Variants in FHAD1 observed in about 807,000 individuals in gnomAD.
The protein encoded by FHAD1 is forkhead associated phosphopeptide binding domain 1.
A neutral mutation model predicts 191.3 loss-of-function variants in FHAD1; 146 were observed. That is an observed-to-expected ratio of 0.76 (90% CI 0.67 to 0.88). The LOEUF (loss-of-function observed/expected upper bound fraction) is 0.88, where lower values mean the gene tolerates loss of function less well. Among genes scored for constraint, FHAD1 ranks in the 40% least tolerant of loss-of-function variants. FHAD1 has a pLI of 0.00. For missense variants in FHAD1, 1,635 were observed against 1,785.8 expected (o/e 0.92, Z 1.52); for synonymous variants, 616 against 672.3 (o/e 0.92, Z 1.29).
In FHAD1 at chr1:15,272,502, T is replaced by G. The variant is rs538645934; in HGVS notation, c.273T>G (p.Tyr91Ter). Residue 91 changes from tyrosine (Y) to a stop codon, truncating the protein, a stop_gained, in exon 3 of 34, where the codon TAT becomes TAG. Coordinates refer to ENST00000688493, the MANE Select transcript of FHAD1 (RefSeq NM_001391957.1). LOFTEE classifies it high-confidence loss of function. ...GATTTGGGTCTGCAGGGCTGACCTATGAACTGGTCATTGAAAATCCACCTC... is the reference window on the plus strand; with the variant it reads ...GATTTGGGTCTGCAGGGCTGACCTAGGAACTGGTCATTGAAAATCCACCTC... The part of the protein sequence containing the change: ...ILRFGSAGLT[Y>*]ELVIENPPPV... The G allele has an allele frequency of 6.5e-7, 1 of 1,548,180 alleles. No individual in the cohort carries two copies. The highest frequency in any genetic ancestry group is 1.4e-5 in the African/African-American group (1 of 73,074).
chr1:15,317,827 A>G lies in FHAD1; in HGVS notation c.1264A>G (p.Ile422Val). The G allele has an allele frequency of 6.4e-7, 1 of 1,551,410 alleles. No individual in the cohort carries two copies. Among genetic ancestry groups the G allele is most frequent in the Non-Finnish European group, 8.7e-7 (1 of 1,146,726 alleles). Residue 422 changes from isoleucine (I) to valine (V), a missense_variant, in exon 10 of 34, where the codon ATC (isoleucine) becomes GTC (valine). Transcript: ENST00000688493. ...ACTCTTGTTGAAACTTTTTCAGCAA[A>G]TCCAAGACATGGAGAAAGAAATGAA... ...EKELKLCKTQIQDMEKEMKKL... is the reference protein window; with the variant it reads ...EKELKLCKTQVQDMEKEMKKL...
At chr1:15,300,893 G>C (rs1204747815) in intron 5 of FHAD1, among the ~76,000 whole-genome samples, 2 of 152,106 alleles carry the variant, frequency 1.3e-5, no homozygotes, top group African/African-American at 4.8e-5. Flanking sequence ...GCAATGGCAT[G>C]GTCTGGGCTC....
At chr1:15,315,925 T>C (rs1257073266) in intron 8 of FHAD1, among the ~76,000 whole-genome samples, 1 of 152,196 alleles carries the variant, frequency 6.6e-6, no homozygotes, top group African/African-American at 2.4e-5. Flanking sequence ...GCCCATTATA[T>C]ATGTTCTTAA....
In FHAD1 at chr1:15,327,442, C is replaced by T. The variant is rs147366524; in HGVS notation, c.1557+300C>T. ...TTAGCACTGGGAGAAAGGGAGCCGC[C>T]TCCCCACAGCCAGTGCGTTCTGGCG... On this transcript the variant is annotated intron_variant, in intron 12 of 33. Coordinates refer to ENST00000688493, the MANE Select transcript of FHAD1 (RefSeq NM_001391957.1). This position sits in a 1 kb window ranked among gnomAD's most constrained non-coding sequence, Gnocchi z 5.1. The T allele has an allele frequency of 2.6e-3, 777 of 293,294 alleles. 3 individuals are homozygous for T. The highest frequency in any genetic ancestry group is 3.7e-3 in the Non-Finnish European group (583 of 157,488). The allele number at this position is 293,294 out of a possible 1,614,324, so 18.2% of individuals were successfully genotyped here.
intron 2 of FHAD1, among the ~76,000 whole-genome samples, chr1:15,257,034 G>A (rs1648525040): frequency 6.6e-6 from 1 of 152,232 alleles, no homozygotes; most frequent in Non-Finnish European, 1.5e-5. Context: ...CCCTTTGCCT[G>A]GCACCTGCCA....
intron 28 of FHAD1, among the ~76,000 whole-genome samples, chr1:15,377,991 C>T (rs189473340): frequency 2.8e-4 from 43 of 152,114 alleles, no homozygotes; most frequent in African/African-American, 9.2e-4. Flanking sequence ...TTGTTATCCC[C>T]GTTTTACAGA....
rs1672654702 is a variant in FHAD1, at chr1:15,312,680, G to A, written c.1040-377G>A. Reference sequence around the variant, plus strand: ...CTGTCTCAAGAAAAAAGACGACTGAGCTAGTAAGTGCTAGAGACGGTTTCC... The same window carrying A: ...CTGTCTCAAGAAAAAAGACGACTGAACTAGTAAGTGCTAGAGACGGTTTCC... On this transcript the variant is annotated intron_variant, in intron 7 of 33. Coordinates refer to ENST00000688493, the MANE Select transcript of FHAD1 (RefSeq NM_001391957.1). The surrounding 1 kb of genome is among the most constrained non-coding windows in gnomAD (Gnocchi z 4.7). Among the ~76,000 whole-genome samples, 1 of 152,122 alleles carries A rather than the reference G, an allele frequency of 6.6e-6. No individual in the cohort carries two copies. Among genetic ancestry groups the A allele is most frequent in the Non-Finnish European group, 1.5e-5 (1 of 68,016 alleles).
chr1:15,249,554 C>G (rs879867295), intron 1 of FHAD1, among the ~76,000 whole-genome samples: 48 of 152,126 alleles, frequency 3.2e-4, no homozygotes, highest in Admixed American at 9.8e-4. Context: ...ATAAAATTCT[C>G]ATTATATGAA....
chr1:15,357,647 A>AG (rs1382954632), intron 20 of FHAD1: 4 of 141,264 alleles, frequency 2.8e-5, no homozygotes, highest in African/African-American at 1.0e-4. Flanking sequence ...AAAAAAAAAA[A>AG]GGAGAATGGG....
Position 15,357,625 on chromosome 1 carries a change from CAAAAAAAAAAA to C in FHAD1, c.2563-473_2563-463del, listed in dbSNP as rs71000395. Among the ~76,000 whole-genome samples, 235 of 76,136 alleles carry C rather than the reference CAAAAAAAAAAA, an allele frequency of 3.1e-3. 1 individual carries two copies. The highest frequency in any genetic ancestry group is 0.01 in the African/African-American group (224 of 21,982). The allele number at this position is 76,136 out of a possible 152,430, so 49.9% of individuals were successfully genotyped here. ...GTGACAATGCGAGACTCCTCCGTCTCAAAAAAAAAAAAAAAAAAAAAAGGAGAATGGGTTCC... is the reference window on the plus strand; with the variant it reads ...GTGACAATGCGAGACTCCTCCGTCTCAAAAAAAAAAAGGAGAATGGGTTCC... On this transcript the variant is annotated intron_variant, in intron 20 of 33. Transcript: ENST00000688493.
At position 15,301,125 on chromosome 1, in the gene FHAD1, C is replaced by T. The variant is rs12046449; in HGVS notation, c.679-80C>T. 1,177 of 1,283,216 alleles carry T rather than the reference C, an allele frequency of 9.2e-4. 14 individuals are homozygous for T. In the East Asian group the frequency reaches 0.028, roughly 30 times the overall value. 79.5% of individuals were successfully genotyped at this position (1,283,216 alleles called of 1,614,324 possible). ...GATTACAGGCGTGAGCCACCGCACC[C>T]GGCCCCTACTTTTTTTTAATGGGCT... is the stretch of plus-strand genomic sequence containing the variant. On this transcript the variant is annotated intron_variant, in intron 5 of 33. Coordinates refer to ENST00000688493, the MANE Select transcript of FHAD1 (RefSeq NM_001391957.1).
At chr1:15,387,180 C>T (rs140979577) in intron 31 of FHAD1, among the ~76,000 whole-genome samples, 2,051 of 152,288 alleles carry the variant, frequency 0.013, 37 homozygotes, top group African/African-American at 0.04. Context: ...TGAGCCACCA[C>T]ACTCAGCCAT....
intron 31 of FHAD1, among the ~76,000 whole-genome samples, chr1:15,386,506 G>A (rs544228908): frequency 1.3e-5 from 2 of 152,370 alleles, no homozygotes; most frequent in Admixed American, 1.3e-4. Context: ...CCTTGGAGAA[G>A]GATGCAAGCC....
rs975300730 is a variant in FHAD1 at position 15,282,971 on chromosome 1, A to C, written c.301-6428A>C. 1.9e-4 allele frequency among the ~76,000 whole-genome samples: 29 copies of C among 152,348 alleles called. 1 individual carries two copies. The highest frequency in any genetic ancestry group is 1.4e-3 in the Admixed American group (21 of 15,304). On this transcript the variant is annotated intron_variant, in intron 3 of 33. Coordinates refer to ENST00000688493, the MANE Select transcript of FHAD1 (RefSeq NM_001391957.1). Reference sequence around the variant, plus strand: ...GTGAGACAGCACCTTTTATGGAAGCAACAGTGCACAGTGGCAGGAGCGGGG... The same window carrying C: ...GTGAGACAGCACCTTTTATGGAAGCCACAGTGCACAGTGGCAGGAGCGGGG...
intron 7 of FHAD1, 150 bp downstream of exon 7, chr1:15,308,886 G>A (rs1671389385): frequency 8.0e-7 from 1 of 1,254,420 alleles, no homozygotes; most frequent in Non-Finnish European, 1.1e-6. Context: ...GGCAGTTCCT[G>A]TCCATGAATC....
intron 6 of FHAD1, among the ~76,000 whole-genome samples, chr1:15,308,281 G>A (rs767196817): frequency 5.9e-5 from 9 of 152,276 alleles, no homozygotes; most frequent in African/African-American, 1.7e-4. Flanking sequence ...AGTACTGGGC[G>A]ACCTGGAACC....
intron 2 of FHAD1, 130 bp from the exon 3 acceptor site, chr1:15,272,193 C>T (rs1285348172): frequency 3.6e-6 from 3 of 826,806 alleles, no homozygotes; most frequent in Non-Finnish European, 5.7e-6. Context: ...TCCTCAGCCT[C>T]CTCCTTTTAA....
intron 33 of FHAD1, among the ~76,000 whole-genome samples, chr1:15,393,429 C>T (rs867447832): frequency 8.2e-5 from 11 of 133,424 alleles, no homozygotes; most frequent in Admixed American, 2.8e-4. Context: ...CACACACACA[C>T]GCACACACAC....
intron 2 of FHAD1, among the ~76,000 whole-genome samples, chr1:15,270,461 A>T (rs1056304212): frequency 6.6e-6 from 1 of 152,168 alleles, no homozygotes; most frequent in African/African-American, 2.4e-5. Flanking sequence ...CAAATGGGAA[A>T]CTATCTCTAG....
Sources: gnomAD v4.1 joint callset for allele counts (sites outside exome capture counted in the v4.1 genomes callset) on GRCh38, gnomAD v4.1.1 for gene constraint, Gnocchi (gnomAD v3.1) non-coding constraint, MANE v1.5 for transcripts, NCBI Gene and HGNC (gene_info 2026-07-23, HGNC 2026-07-21) for gene names.